SLC25A46: variants seen among roughly 807,000 people sequenced by gnomAD.
SLC25A46 encodes the protein mitochondrial outer membrane protein SLC25A46.
A neutral mutation model predicts 44.6 loss-of-function variants in SLC25A46; 39 were observed. The observed-to-expected ratio is 0.87, with a 90% confidence interval of 0.68 to 1.14. The LOEUF (loss-of-function observed/expected upper bound fraction) is 1.14, where lower values mean the gene tolerates loss of function less well. Ranked by LOEUF, SLC25A46 falls within the 50% of genes most tolerant of loss-of-function variation. The probability of loss-of-function intolerance (pLI) is 0.00; values close to 1 mark genes in which losing one functional copy is unlikely to be tolerated. For synonymous variants in SLC25A46, 202 were observed against 185.8 expected (o/e 1.09, Z -0.71); for missense variants, 547 against 522.7 (o/e 1.05, Z -0.45).
chr5:110,743,700 CA>C (rs1356861121), intron 2 of SLC25A46, 29 bp from the exon 3 acceptor site: 1 of 1,296,272 alleles, frequency 7.7e-7, no homozygotes, highest in Admixed American at 1.8e-5. Flanking sequence ...TCTATGTAGA[CA>C]TACATATACA....
intron 5 of SLC25A46, among the ~76,000 whole-genome samples, chr5:110,748,729 A>G (rs1054917397): frequency 6.6e-6 from 1 of 152,176 alleles, no homozygotes; most frequent in Non-Finnish European, 1.5e-5. Context: ...AAGGAGACAC[A>G]TGTAAGCAAG....
chr5:110,749,076 AG>A (rs1168820386), intron 5 of SLC25A46, among the ~76,000 whole-genome samples: 1 of 152,208 alleles, frequency 6.6e-6, no homozygotes, highest in Non-Finnish European at 1.5e-5. Context: ...TGAGCTGGCT[AG>A]ACATTTCTGA....
At chr5:110,746,440 C>G (rs1247516153) in intron 4 of SLC25A46, 94 bp downstream of exon 4, 1 of 789,244 alleles carries the variant, frequency 1.3e-6, no homozygotes, top group East Asian at 2.9e-5. Flanking sequence ...TCAGTTTGGT[C>G]AATAAAACAT....
Position 110,761,770 on chromosome 5 carries a change from A to AAAT in SLC25A46, c.1248_1250dup (p.Asn417dup). 6.2e-7 allele frequency: 1 copy of AAAT among 1,608,362 alleles called. No homozygotes were observed. Among genetic ancestry groups the AAAT allele is most frequent in the Non-Finnish European group, 8.5e-7 (1 of 1,177,766 alleles). Reference sequence around the variant, plus strand: ...AAATTATTTACTCTACACTTCTTCAAAATAACATTTGAGATTTAGGTTCCT... The same window carrying AAAT: ...AAATTATTTACTCTACACTTCTTCAAAATAATAACATTTGAGATTTAGGTTCCT... On this transcript the variant is annotated inframe_insertion, in exon 8 of 8. Transcript: ENST00000355943. The surrounding 1 kb of genome is among the most constrained non-coding windows in gnomAD (Gnocchi z 5.3).
At chr5:110,746,151 A>T (rs575723267) in intron 3 of SLC25A46, 118 bp from the exon 4 acceptor site, 1 of 798,372 alleles carries the variant, frequency 1.3e-6, no homozygotes, top group Non-Finnish European at 2.0e-6. Context: ...TGTGTAATTT[A>T]TGTTGACTTT....
At chr5:110,753,121 A>C (rs550458227) in intron 5 of SLC25A46, among the ~76,000 whole-genome samples, 9 of 152,236 alleles carry the variant, frequency 5.9e-5, no homozygotes, top group African/African-American at 2.2e-4. Context: ...AGATTTAATG[A>C]CATGCAGATT....
intron 3 of SLC25A46, 94 bp from the exon 4 acceptor site, chr5:110,746,175 G>A: frequency 2.0e-6 from 2 of 1,003,454 alleles, no homozygotes; most frequent in Admixed American, 2.6e-5. Flanking sequence ...ATTAACTTTT[G>A]TTTATACTGC....
intron 4 of SLC25A46, among the ~76,000 whole-genome samples, chr5:110,747,582 A>G (rs977679475): frequency 1.3e-5 from 2 of 152,144 alleles, no homozygotes; most frequent in African/African-American, 2.4e-5. Context: ...TGATGGTATC[A>G]TGCAAAGGGG....
intron 1 of SLC25A46, among the ~76,000 whole-genome samples, chr5:110,740,709 TG>T (rs1799649856): frequency 6.6e-6 from 1 of 151,906 alleles, no homozygotes. Flanking sequence ...CCTAGCACTT[TG>T]GGAGGCCAAG....
At chr5:110,746,158 C>T (rs1799812598) in intron 3 of SLC25A46, 111 bp from the exon 4 acceptor site, 1 of 855,160 alleles carries the variant, frequency 1.2e-6, no homozygotes, top group Non-Finnish European at 1.8e-6. Context: ...TTTATGTTGA[C>T]TTTGGAATTA....
chr5:110,747,842 T>G (rs1027223145), intron 4 of SLC25A46, among the ~76,000 whole-genome samples: 2 of 152,076 alleles, frequency 1.3e-5, no homozygotes, highest in Admixed American at 6.5e-5. Context: ...TGAGTGAGTA[T>G]GATTGGGTTA....
At chr5:110,747,932 A>G (rs1799861656) in intron 4 of SLC25A46, among the ~76,000 whole-genome samples, 1 of 152,166 alleles carries the variant, frequency 6.6e-6, no homozygotes, top group South Asian at 2.1e-4. Context: ...TATAGATATT[A>G]GGGATATTTA....
At chr5:110,738,229 G>A, upstream of SLC25A46, 1 of 1,287,154 alleles carries the variant, frequency 7.8e-7, no homozygotes, top group Non-Finnish European at 1.0e-6. Context: ...CCAAGAGCCC[G>A]TGGAGCTAAT....
At chr5:110,741,110 G>T (rs1799677850) in intron 1 of SLC25A46, among the ~76,000 whole-genome samples, 1 of 152,194 alleles carries the variant, frequency 6.6e-6, no homozygotes, top group African/African-American at 2.4e-5. Context: ...AGTGAGGGCA[G>T]TTGCTTCACT....
At chr5:110,749,900 T>A (rs79891152) in intron 5 of SLC25A46, among the ~76,000 whole-genome samples, 4,482 of 152,258 alleles carry the variant, frequency 0.029, 225 homozygotes, top group African/African-American at 0.1. Context: ...TTACTCTGAT[T>A]TTCTATATCA....
intron 5 of SLC25A46, chr5:110,753,190 G>A (rs1262058525): frequency 6.6e-6 from 1 of 152,140 alleles, no homozygotes; most frequent in Non-Finnish European, 1.5e-5. Flanking sequence ...GGGTTCAGAG[G>A]TGAGTGGGAA....
At chr5:110,758,589 GC>G (rs1800170780) in intron 7 of SLC25A46, among the ~76,000 whole-genome samples, 1 of 151,912 alleles carries the variant, frequency 6.6e-6, no homozygotes, top group South Asian at 2.1e-4. Flanking sequence ...TTCGAGACCA[GC>G]CTGGCCAACA....
At chr5:110,749,525 T>G in intron 5 of SLC25A46, among the ~76,000 whole-genome samples, 1 of 139,294 alleles carries the variant, frequency 7.2e-6, no homozygotes, top group Admixed American at 7.3e-5. Flanking sequence ...AGGGGGGTAG[T>G]TGGGGGAGAT....
chr5:110,748,221 T>C lies in SLC25A46; in HGVS notation c.521T>C (p.Leu174Pro), dbSNP rs761685540. 1.2e-6 allele frequency: 2 copies of C among 1,613,672 alleles called. No homozygotes were observed. Among genetic ancestry groups the C allele is most frequent in the South Asian group, 2.2e-5 (2 of 91,068 alleles). Residue 174 changes from leucine to proline, a missense_variant, in exon 5 of 8, where the codon CTT becomes CCT. Physicochemically the swap from Leu to Pro is moderately conservative, Grantham distance 98. Transcript: ENST00000355943. ...GSTFIVQGVT[L>P]GAEGIISEFT... ...ACATTTATTGTCCAGGGAGTCACAC[T>C]TGGAGCAGAAGGCATAATTAGTGAA...
Sources: allele counts gnomAD v4.1 joint callset (sites outside exome capture counted in the v4.1 genomes callset), GRCh38; gene constraint gnomAD v4.1.1; non-coding constraint Gnocchi (gnomAD v3.1); transcripts MANE v1.5; gene names NCBI Gene and HGNC (gene_info 2026-07-23, HGNC 2026-07-21).